Variants in MRTFA observed in about 807,000 individuals in gnomAD.
MRTFA encodes myocardin-related transcription factor A.
A neutral mutation model predicts 83.5 loss-of-function variants in MRTFA; 20 were observed. The observed-to-expected ratio is 0.24, with a 90% CI of 0.17 to 0.35. The LOEUF (loss-of-function observed/expected upper bound fraction) is 0.35. Ranked by LOEUF, MRTFA falls within the 10% of genes least tolerant of loss-of-function variation. The pLI is 1.00. For missense variants in MRTFA, 1,200 were observed against 1,224.7 expected (o/e 0.98, Z 0.30); for synonymous variants, 659 against 541.2 (o/e 1.22, Z -3.02).
intron 3 of MRTFA, among the ~76,000 whole-genome samples, chr22:40,512,016 A>T (rs2147243232): frequency 6.6e-6 from 1 of 152,304 alleles, no homozygotes; most frequent in South Asian, 2.1e-4. Context: ...CGAGGAGGGA[A>T]CATAGAACAG....
At chr22:40,603,984 T>C (rs901775019) in intron 1 of MRTFA, among the ~76,000 whole-genome samples, 3 of 152,092 alleles carry the variant, frequency 2.0e-5, no homozygotes, top group Non-Finnish European at 4.4e-5. Flanking sequence ...TGTTTTTATA[T>C]GTGTTTCAAA....
intron 2 of MRTFA, among the ~76,000 whole-genome samples, chr22:40,559,539 T>C (rs2055583036): frequency 6.6e-6 from 1 of 152,040 alleles, no homozygotes; most frequent in Non-Finnish European, 1.5e-5. Flanking sequence ...CCCAAGTAGC[T>C]AGGACTATAG....
intron 5 of MRTFA, among the ~76,000 whole-genome samples, chr22:40,435,257 A>G (rs1241050990): frequency 6.6e-6 from 1 of 152,208 alleles, no homozygotes; most frequent in Non-Finnish European, 1.5e-5. Context: ...TAAATGTACA[A>G]AAAGAGAAAC....
At position 40,447,530 on chromosome 22, in the gene MRTFA, G is replaced by C. The variant is rs79893531; in HGVS notation, c.308-11976C>G. ...GCCAGGGTGGCAGAAAACAAGAAGA[G>C]TGGGTGGAAACACAGGGAGACAAAG... is the stretch of plus-strand genomic sequence containing the variant. On this transcript the variant is annotated intron_variant, in intron 4 of 14. Coordinates refer to ENST00000355630, the MANE Select transcript of MRTFA (RefSeq NM_020831.6). Among the ~76,000 whole-genome samples, 1,148 of 152,204 alleles carry C rather than the reference G, an allele frequency of 7.5e-3. 14 individuals are homozygous for C. Among genetic ancestry groups the C allele is most frequent in the Middle Eastern group, 0.051 (15 of 294 alleles).
At chr22:40,583,650 T>C (rs965350195) in intron 2 of MRTFA, among the ~76,000 whole-genome samples, 1 of 152,204 alleles carries the variant, frequency 6.6e-6, no homozygotes, top group African/African-American at 2.4e-5. Flanking sequence ...GCAGTGGCAT[T>C]AGATTCTCAT....
At chr22:40,516,451 GAAAA>G (rs370873637) in intron 3 of MRTFA, among the ~76,000 whole-genome samples, 1 of 115,290 alleles carries the variant, frequency 8.7e-6, no homozygotes, top group South Asian at 2.8e-4. Context: ...AAAGGAAAAA[GAAAA>G]AAAAAAAAAG....
At chr22:40,507,607 G>A (rs868300631) in intron 3 of MRTFA, among the ~76,000 whole-genome samples, 1 of 151,076 alleles carries the variant, frequency 6.6e-6, no homozygotes, top group African/African-American at 2.4e-5. Context: ...ACAGAGCAAG[G>A]CCCTCTCTGA....
chr22:40,609,780 G>C (rs1186688563), intron 1 of MRTFA, among the ~76,000 whole-genome samples: 3 of 151,958 alleles, frequency 2.0e-5, no homozygotes, highest in Non-Finnish European at 2.9e-5. Context: ...GTGGTGAGTC[G>C]AGACTGCGCC....
intron 1 of MRTFA, among the ~76,000 whole-genome samples, chr22:40,629,705 T>G (rs189244975): frequency 2.2e-5 from 3 of 134,248 alleles, no homozygotes; most frequent in African/African-American, 8.6e-5. Context: ...GAACCCAGGA[T>G]GCGGAGCTTG....
At position 40,595,372 on chromosome 22, in the gene MRTFA, C is replaced by G. The variant is rs1182601023; in HGVS notation, c.-83-637G>C. ...TCCTGACCTCGTGATCCACCTGCCT[C>G]AGCCTCCCAAAGTGCTGGGATTACA... On this transcript the variant is annotated intron_variant, in intron 1 of 14. Coordinates refer to ENST00000355630, the MANE Select transcript of MRTFA (RefSeq NM_020831.6). 1.3e-4 allele frequency among the ~76,000 whole-genome samples: 20 copies of G among 152,022 alleles called. 1 individual carries two copies. Among genetic ancestry groups the G allele is most frequent in the Admixed American group, 1.3e-3 (20 of 15,276 alleles).
intron 4 of MRTFA, among the ~76,000 whole-genome samples, chr22:40,435,801 G>C (rs546471346): frequency 2.0e-5 from 3 of 152,046 alleles, no homozygotes; most frequent in African/African-American, 2.4e-5. Flanking sequence ...GCGTGGTGGT[G>C]GTGGGCGCCT....
chr22:40,423,784 CAG>C, intron 8 of MRTFA, 99 bp from the exon 9 acceptor site: 1 of 1,161,582 alleles, frequency 8.6e-7, no homozygotes, highest in Non-Finnish European at 1.2e-6. Context: ...CCACCATTGT[CAG>C]AGGGCAAATG....
At chr22:40,470,218 C>A in intron 3 of MRTFA, among the ~76,000 whole-genome samples, 1 of 107,022 alleles carries the variant, frequency 9.3e-6, no homozygotes, top group Non-Finnish European at 1.8e-5. Flanking sequence ...AGCAAGACCC[C>A]ATCTCCAAAA....
At chr22:40,604,393 G>A (rs2056295065) in intron 1 of MRTFA, among the ~76,000 whole-genome samples, 1 of 151,630 alleles carries the variant, frequency 6.6e-6, no homozygotes, top group South Asian at 2.1e-4. Flanking sequence ...GCCTCCCAAA[G>A]TGCTGACATT....
intron 3 of MRTFA, among the ~76,000 whole-genome samples, chr22:40,496,958 T>C (rs573951259): frequency 1.2e-4 from 19 of 152,364 alleles, no homozygotes; most frequent in Admixed American, 7.2e-4. Context: ...CTAAGATTTA[T>C]GGTGGGATTT....
rs2147090870 is a variant in MRTFA, at chr22:40,429,661, C to T, written c.546G>A (p.Glu182=). ...CAGGAAGGATGTTCTTCTCCACCAG[C>T]TCCATGGGGCCAGGCCTCTGTGCAA... Residue 182 remains glutamate, a synonymous_variant, in exon 7 of 15, where the codon GAG becomes GAA. Transcript: ENST00000355630. 1 of 1,614,148 alleles carries T rather than the reference C, an allele frequency of 6.2e-7. No homozygotes were observed.
chr22:40,527,470 C>T (rs149441159), intron 3 of MRTFA, among the ~76,000 whole-genome samples: 1 of 151,524 alleles, frequency 6.6e-6, no homozygotes, highest in Non-Finnish European at 1.5e-5. Context: ...AAAAATAATG[C>T]ATGTGGGCCA....
intron 3 of MRTFA, among the ~76,000 whole-genome samples, chr22:40,484,787 G>T (rs1390670829): frequency 6.6e-6 from 1 of 151,966 alleles, no homozygotes; most frequent in Non-Finnish European, 1.5e-5. Flanking sequence ...AAATCTAAAA[G>T]TAGAGGCGGG....
intron 3 of MRTFA, among the ~76,000 whole-genome samples, chr22:40,549,562 G>A (rs1230044535): frequency 6.6e-6 from 1 of 152,178 alleles, no homozygotes; most frequent in Non-Finnish European, 1.5e-5. Flanking sequence ...GGGGAAGGGA[G>A]TATTGATTGG....
Sources: allele counts gnomAD v4.1 joint callset (sites outside exome capture counted in the v4.1 genomes callset), GRCh38; gene constraint gnomAD v4.1.1; transcripts MANE v1.5; gene names NCBI Gene and HGNC (gene_info 2026-07-23, HGNC 2026-07-21).